Variants in SRFBP1 observed in about 807,000 individuals in gnomAD.
SRFBP1 encodes serum response factor-binding protein 1.
SRFBP1 carries 47 observed loss-of-function variants against 45.5 expected under a neutral mutation model. That is an observed-to-expected ratio of 1.03 (90% CI 0.82 to 1.32). The LOEUF (loss-of-function observed/expected upper bound fraction) is 1.32. Ranked by LOEUF, SRFBP1 falls within the 40% of genes most tolerant of loss-of-function variation. SRFBP1 has a pLI of 0.00. For synonymous variants in SRFBP1, 203 were observed against 166.3 expected, an observed-to-expected ratio of 1.22 and a Z score of -1.70; for missense variants, 621 against 484.6, an observed-to-expected ratio of 1.28 and a Z score of -2.64.
intron 3 of SRFBP1, among the ~76,000 whole-genome samples, chr5:121,989,694 A>C (rs1413982471): frequency 2.6e-5 from 4 of 152,196 alleles, no homozygotes; most frequent in Non-Finnish European, 5.9e-5. Context: ...TGTATCTGGC[A>C]CCTGCGTGGC....
At position 122,027,237 on chromosome 5, in the gene SRFBP1, T is replaced by A. The variant is rs1753502036; in HGVS notation, c.*111T>A. On this transcript the variant is annotated 3_prime_UTR_variant, in exon 8 of 8. Coordinates refer to ENST00000339397, the MANE Select transcript of SRFBP1 (RefSeq NM_152546.3). ...GTACAATATTGCAATCACAGCTCAC[T>A]GCAGCCTCAAACTCCTGGGCTCAAG... The A allele has an allele frequency of 1.2e-6, 1 of 867,654 alleles. No individual in the cohort carries two copies. Among genetic ancestry groups the A allele is most frequent in the African/African-American group, 1.7e-5 (1 of 57,584 alleles). 53.7% of individuals were successfully genotyped at this position (867,654 alleles called of 1,614,324 possible).
At chr5:122,044,615 A>G (rs2112734648) in intron 2 of SRFBP1, among the ~76,000 whole-genome samples, 1 of 152,122 alleles carries the variant, frequency 6.6e-6, no homozygotes, top group African/African-American at 2.4e-5. Flanking sequence ...AGTGATGTTG[A>G]GCATTTTTTC....
chr5:122,033,391 T>G (rs554560702), downstream of SRFBP1, among the ~76,000 whole-genome samples: 1 of 152,286 alleles, frequency 6.6e-6, no homozygotes, highest in Admixed American at 6.5e-5. Context: ...TTTTTACAAA[T>G]GTATTGAGAA....
intron 2 of SRFBP1, among the ~76,000 whole-genome samples, chr5:122,042,025 A>G (rs545562344): frequency 5.9e-5 from 9 of 152,232 alleles, no homozygotes; most frequent in Non-Finnish European, 1.3e-4. Flanking sequence ...TTTATCAGAT[A>G]CCTTTTAAAC....
At chr5:122,001,510 G>A (rs1752868316) in intron 4 of SRFBP1, among the ~76,000 whole-genome samples, 1 of 149,450 alleles carries the variant, frequency 6.7e-6, no homozygotes, top group African/African-American at 2.4e-5. Context: ...TGGGGATTGG[G>A]GCTGGCAGTT....
chr5:121,969,935 C>A (rs1036186409), intron 1 of SRFBP1, among the ~76,000 whole-genome samples: 6 of 152,092 alleles, frequency 3.9e-5, no homozygotes, highest in Admixed American at 1.3e-4. Context: ...CCGTCCCAAA[C>A]AATAATCATA....
intron 2 of SRFBP1, 111 bp from the exon 3 acceptor site, chr5:121,975,204 A>T (rs879101803): frequency 4.6e-5 from 51 of 1,099,408 alleles, no homozygotes; most frequent in South Asian, 2.0e-4. Flanking sequence ...CGTGTTTGTT[A>T]TTTAGAGATT....
In SRFBP1 at chr5:122,004,323, G is replaced by T. The variant is rs73285747; in HGVS notation, c.270+9653G>T. Among the ~76,000 whole-genome samples, 545 of 152,178 alleles carry T rather than the reference G, an allele frequency of 3.6e-3. 3 individuals are homozygous for T. Among genetic ancestry groups the T allele is most frequent in the African/African-American group, 0.013 (521 of 41,528 alleles). ...GGTTTGTGTATGGTGTGACATAGTG[G>T]TCTAATTTTTTTTTCATGTGGATAT... On this transcript the variant is annotated intron_variant, in intron 4 of 7. Transcript: ENST00000339397.
Position 121,964,746 on chromosome 5 carries a change from T to C in SRFBP1, c.36+2678T>C, listed in dbSNP as rs559724495. Among the ~76,000 whole-genome samples, 5 of 152,316 alleles carry C rather than the reference T, an allele frequency of 3.3e-5. No homozygotes were observed. The South Asian group carries it at 1.0e-3, about 32-fold the overall frequency. Reference sequence around the variant, plus strand: ...CTGGGTCAAATGGTATTTCTATTGCTAGATCCTTGAGGAATCACCACACTG... The same window carrying C: ...CTGGGTCAAATGGTATTTCTATTGCCAGATCCTTGAGGAATCACCACACTG... On this transcript the variant is annotated intron_variant, in intron 1 of 7. Transcript: ENST00000339397.
At chr5:122,031,346 T>C (rs986383701), downstream of SRFBP1, among the ~76,000 whole-genome samples, 3 of 152,182 alleles carry the variant, frequency 2.0e-5, no homozygotes, top group Non-Finnish European at 4.4e-5. Flanking sequence ...CAAAAAATTA[T>C]GAGACATGCA....
At chr5:122,059,037 A>G (rs941215361) in intron 2 of SRFBP1, among the ~76,000 whole-genome samples, 1 of 152,170 alleles carries the variant, frequency 6.6e-6, no homozygotes, top group African/African-American at 2.4e-5. Context: ...AAAGAGAAAG[A>G]ATGCCAGAGG....
Position 122,020,292 on chromosome 5 carries a change from A to C in SRFBP1, c.557A>C (p.Glu186Ala). The C allele has an allele frequency of 6.2e-7, 1 of 1,611,690 alleles. No individual in the cohort carries two copies. Among genetic ancestry groups the C allele is most frequent in the Non-Finnish European group, 8.5e-7 (1 of 1,179,390 alleles). Residue 186 changes from glutamate (E) to alanine (A), a missense_variant, in exon 6 of 8, where the codon GAA becomes GCA. Physicochemically the swap from Glu to Ala is moderately radical, Grantham distance 107. Transcript: ENST00000339397. ...AAGAAACCAATACATAATTCAAAGGAAAAAATAGCAAAGATGGAACATGGA... is the reference window on the plus strand; with the variant it reads ...AAGAAACCAATACATAATTCAAAGGCAAAAATAGCAAAGATGGAACATGGA... ...LAKKPIHNSKEKIAKMEHGPK... is the reference protein window; with the variant it reads ...LAKKPIHNSKAKIAKMEHGPK...
intron 2 of SRFBP1, among the ~76,000 whole-genome samples, chr5:122,073,680 C>T (rs1335344705): frequency 6.6e-6 from 1 of 152,178 alleles, no homozygotes; most frequent in Non-Finnish European, 1.5e-5. Context: ...CAAGGACCCA[C>T]ACTGACCTGT....
intron 7 of SRFBP1, among the ~76,000 whole-genome samples, chr5:122,023,784 T>C (rs1753412461): frequency 6.6e-6 from 1 of 152,212 alleles, no homozygotes; most frequent in Admixed American, 6.5e-5. Context: ...TTTCTTTCAC[T>C]ATACACCTCC....
At chr5:121,994,189 CAT>C (rs1252802488) in intron 3 of SRFBP1, among the ~76,000 whole-genome samples, 1 of 151,920 alleles carries the variant, frequency 6.6e-6, no homozygotes, top group African/African-American at 2.4e-5. Context: ...TTATTTGATG[CAT>C]AGTCATAAAT....
intron 3 of SRFBP1, among the ~76,000 whole-genome samples, chr5:121,978,647 A>G (rs1157289432): frequency 1.3e-5 from 2 of 152,122 alleles, no homozygotes; most frequent in African/African-American, 2.4e-5. Context: ...GCCTGCCATC[A>G]TGCCTGGCTA....
chr5:122,010,047 T>TAATA (rs1006522852), intron 4 of SRFBP1, among the ~76,000 whole-genome samples: 6 of 152,258 alleles, frequency 3.9e-5, no homozygotes, highest in Middle Eastern at 3.4e-3. Flanking sequence ...CATAAAATAG[T>TAATA]AATAAGTATA....
intron 2 of SRFBP1, among the ~76,000 whole-genome samples, chr5:122,050,820 C>T (rs1365739060): frequency 6.6e-6 from 1 of 152,092 alleles, no homozygotes; most frequent in African/African-American, 2.4e-5. Flanking sequence ...TCTTGTTTCT[C>T]TAGTTCTTCC....
At chr5:121,981,424 A>C (rs1752405381) in intron 3 of SRFBP1, among the ~76,000 whole-genome samples, 1 of 151,766 alleles carries the variant, frequency 6.6e-6, no homozygotes. Context: ...CATGTTCTGC[A>C]CTCTAACCAG....
Sources: allele counts gnomAD v4.1 joint callset (sites outside exome capture counted in the v4.1 genomes callset), GRCh38; gene constraint gnomAD v4.1.1; transcripts MANE v1.5; gene names NCBI Gene and HGNC (gene_info 2026-07-23, HGNC 2026-07-21).